ZZEF1: variants seen among roughly 807,000 people sequenced by gnomAD.
ZZEF1 encodes zinc finger ZZ-type and EF-hand domain-containing protein 1.
ZZEF1 carries 157 observed loss-of-function variants against 342.8 expected under a neutral mutation model. That is an observed-to-expected ratio of 0.46 (90% confidence interval 0.40 to 0.52). The LOEUF is 0.52. Ranked by LOEUF, ZZEF1 falls within the 20% of genes least tolerant of loss-of-function variation. ZZEF1 has a pLI of 0.00. For synonymous variants in ZZEF1, 1,505 were observed against 1,429.1 expected, an observed-to-expected ratio of 1.05 and a Z score of -1.20; for missense variants, 3,480 against 3,725.6, an observed-to-expected ratio of 0.93 and a Z score of 1.72.
chr17:4,120,450 A>G (rs1803954765), intron 2 of ZZEF1, among the ~76,000 whole-genome samples: 1 of 152,172 alleles, frequency 6.6e-6, no homozygotes, highest in South Asian at 2.1e-4. Flanking sequence ...AATAGGATAT[A>G]TGTATATATA....
chr17:4,071,104 A>G (rs1024631711), intron 25 of ZZEF1, among the ~76,000 whole-genome samples, 180 bp from the exon 26 acceptor site: 1 of 152,194 alleles, frequency 6.6e-6, no homozygotes, highest in Non-Finnish European at 1.5e-5. Flanking sequence ...CATAAATAAA[A>G]CATTAAAAGC....
At chr17:4,024,748 G>T (rs1395882718) in intron 43 of ZZEF1, among the ~76,000 whole-genome samples, 171 bp downstream of exon 43, 1 of 152,180 alleles carries the variant, frequency 6.6e-6, no homozygotes, top group Non-Finnish European at 1.5e-5. Flanking sequence ...CAGGAAAATT[G>T]TATTTCCTCT....
At chr17:4,036,464 G>A (rs1257368668) in intron 39 of ZZEF1, among the ~76,000 whole-genome samples, 2 of 152,110 alleles carry the variant, frequency 1.3e-5, no homozygotes, top group African/African-American at 4.8e-5. Context: ...GCCGGGCGCG[G>A]TGGCTCACGC....
At chr17:4,119,006 T>C (rs150157935) in intron 2 of ZZEF1, among the ~76,000 whole-genome samples, 4 of 152,290 alleles carry the variant, frequency 2.6e-5, no homozygotes, top group African/African-American at 9.6e-5. Flanking sequence ...GACGTGAAGC[T>C]GAAGAGTTGA....
At chr17:4,136,562 C>G (rs1389950323) in intron 1 of ZZEF1, among the ~76,000 whole-genome samples, 1 of 152,062 alleles carries the variant, frequency 6.6e-6, no homozygotes, top group Non-Finnish European at 1.5e-5. Context: ...CAGGCTGGCT[C>G]GAGGCCCAGT....
Position 4,014,485 on chromosome 17 carries a change from G to T in ZZEF1, c.8176C>A (p.Leu2726Ile). The change falls in exon 50 of 55, where the codon CTC becomes ATC. Residue 2726 changes from leucine to isoleucine, a missense_variant. Leu to Ile is a conservative substitution (Grantham distance 5). Coordinates refer to ENST00000381638, the MANE Select transcript of ZZEF1 (RefSeq NM_015113.4). The surrounding 1 kb of genome is among the most constrained non-coding windows in gnomAD (Gnocchi z 4.4). Reference sequence around the variant, plus strand: ...CACTGAGAGTCGAATTTGATTGAGAGGTAGATGGCACCAGGAATGTGAACT... The same window carrying T: ...CACTGAGAGTCGAATTTGATTGAGATGTAGATGGCACCAGGAATGTGAACT... ...DKVHIPGAIY[L>I]SIKFDSQCNT... 6.2e-7 allele frequency: 1 copy of T among 1,614,232 alleles called. No homozygotes were observed. The highest frequency in any genetic ancestry group is 1.6e-4 in the Middle Eastern group (1 of 6,062).
At chr17:4,023,408 T>TG (rs1243315460) in intron 43 of ZZEF1, among the ~76,000 whole-genome samples, 1 of 152,156 alleles carries the variant, frequency 6.6e-6, no homozygotes, top group African/African-American at 2.4e-5. Context: ...AACAAATATT[T>TG]GCTGAATGAA....
chr17:4,084,771 C>T (rs981137136), intron 16 of ZZEF1, among the ~76,000 whole-genome samples: 2 of 152,140 alleles, frequency 1.3e-5, no homozygotes, highest in Non-Finnish European at 2.9e-5. Context: ...GTCTGAGGAA[C>T]ACGAAGAAGT....
intron 6 of ZZEF1, among the ~76,000 whole-genome samples, chr17:4,107,097 C>G (rs1233574169): frequency 6.6e-6 from 1 of 152,206 alleles, no homozygotes; most frequent in Non-Finnish European, 1.5e-5. Flanking sequence ...TCCACTGATA[C>G]AGGCAACACT....
intron 1 of ZZEF1, among the ~76,000 whole-genome samples, chr17:4,134,603 T>C (rs2058719289): frequency 6.6e-6 from 1 of 152,034 alleles, no homozygotes. Flanking sequence ...GCCCTTCACA[T>C]GGATCAACTT....
Position 4,113,382 on chromosome 17 carries a change from G to A in ZZEF1, c.867-574C>T, listed in dbSNP as rs1044096303. 1.7e-4 allele frequency among the ~76,000 whole-genome samples: 26 copies of A among 152,262 alleles called. No individual in the cohort carries two copies. In the South Asian group the frequency reaches 1.9e-3, roughly 11 times the overall value. On this transcript the variant is annotated intron_variant, in intron 4 of 54. Coordinates refer to ENST00000381638, the MANE Select transcript of ZZEF1 (RefSeq NM_015113.4). Reference sequence around the variant, plus strand: ...AGTGACCAACTCAGTTACATACAGTGAATTTCAAAAATGTATATAGAAAGA... The same window carrying A: ...AGTGACCAACTCAGTTACATACAGTAAATTTCAAAAATGTATATAGAAAGA...
intron 6 of ZZEF1, among the ~76,000 whole-genome samples, chr17:4,106,553 T>C (rs2058216075): frequency 6.6e-6 from 1 of 152,078 alleles, no homozygotes; most frequent in South Asian, 2.1e-4. Context: ...GTGCCATGAA[T>C]GTTATGTTCT....
At chr17:4,077,187 T>C (rs1188698323) in intron 19 of ZZEF1, among the ~76,000 whole-genome samples, 198 bp from the exon 20 acceptor site, 2 of 134,620 alleles carry the variant, frequency 1.5e-5, no homozygotes, top group Non-Finnish European at 3.3e-5. Context: ...AAGACTCACT[T>C]TTAAAGGGAT....
chr17:4,045,184 C>T (rs2056888023), intron 37 of ZZEF1, among the ~76,000 whole-genome samples: 1 of 152,000 alleles, frequency 6.6e-6, no homozygotes, highest in Admixed American at 6.6e-5. Flanking sequence ...ACCATTGCAT[C>T]GCATCCCCCA....
Position 4,064,376 on chromosome 17 carries a change from G to A in ZZEF1, c.4703C>T (p.Ser1568Leu), listed in dbSNP as rs756650043. The A allele has an allele frequency of 6.3e-5, 100 of 1,593,336 alleles. No homozygotes were observed. The highest frequency in any genetic ancestry group is 3.4e-4 in the Admixed American group (20 of 59,196). The change falls in exon 29 of 55, where the codon TCG becomes TTG. Residue 1568 changes from serine (S) to leucine (L), a missense_variant. Physicochemically the swap from Ser to Leu is moderately radical, Grantham distance 145. Transcript: ENST00000381638. Reference protein sequence around the residue: ...KDVMDFIKDQSLSHRSVVKVL... With the variant: ...KDVMDFIKDQLLSHRSVVKVL... ...ACGGGCTTACCTCCTGTGCGAGAGCGACTGATCCTTAATGAAGTCCATGAC... is the reference window on the plus strand; with the variant it reads ...ACGGGCTTACCTCCTGTGCGAGAGCAACTGATCCTTAATGAAGTCCATGAC...
Position 4,085,660 on chromosome 17 carries a change from T to A in ZZEF1, c.2646+10A>T. On this transcript the variant is annotated intron_variant, in intron 16 of 54. Coordinates refer to ENST00000381638, the MANE Select transcript of ZZEF1 (RefSeq NM_015113.4). ...TCAGACATTGAATCCAGACTTTTAG[T>A]AATAATTACCATCATGGTGAAGAGA... 1 of 1,613,496 alleles carries A rather than the reference T, an allele frequency of 6.2e-7. No individual in the cohort carries two copies.
intron 39 of ZZEF1, among the ~76,000 whole-genome samples, chr17:4,036,462 C>T (rs868156923): frequency 6.6e-6 from 1 of 151,946 alleles, no homozygotes; most frequent in Non-Finnish European, 1.5e-5. Flanking sequence ...AGGCCGGGCG[C>T]GGTGGCTCAC....
chr17:4,087,617 G>A, intron 13 of ZZEF1, 83 bp from the exon 14 acceptor site: 1 of 1,201,884 alleles, frequency 8.3e-7, no homozygotes. Flanking sequence ...ACTTCTAATT[G>A]TAAAGGGATG....
At chr17:4,054,647 G>A (rs987270272) in intron 33 of ZZEF1, among the ~76,000 whole-genome samples, 1 of 152,226 alleles carries the variant, frequency 6.6e-6, no homozygotes, top group African/African-American at 2.4e-5. Context: ...ACAGTACAGA[G>A]GGGAAGAGTC....
Sources: allele counts gnomAD v4.1 joint callset (sites outside exome capture counted in the v4.1 genomes callset), GRCh38; gene constraint gnomAD v4.1.1; non-coding constraint Gnocchi (gnomAD v3.1); transcripts MANE v1.5; gene names NCBI Gene and HGNC (gene_info 2026-07-23, HGNC 2026-07-21).